Variants in RAF1 observed in about 807,000 individuals in gnomAD.
RAF1 encodes RAF proto-oncogene serine/threonine-protein kinase.
Under a neutral mutation model 81.1 loss-of-function variants are expected in RAF1, and 27 were observed. The observed-to-expected ratio is 0.33, with a 90% confidence interval of 0.25 to 0.46. The LOEUF (loss-of-function observed/expected upper bound fraction) is 0.46, where lower values mean the gene tolerates loss of function less well. RAF1 is among the 20% of genes least tolerant of loss of function. RAF1 has a pLI of 1.00. For missense variants in RAF1, 598 were observed against 826.0 expected (o/e 0.72, Z 3.38); for synonymous variants, 298 against 294.0 (o/e 1.01, Z -0.14).
At chr3:12,618,404 A>T (rs1260352874) in intron 2 of RAF1, 111 bp downstream of exon 2, 1 of 1,152,382 alleles carries the variant, frequency 8.7e-7, no homozygotes, top group African/African-American at 1.6e-5. Context: ...AAAAAAAATA[A>T]AGACCCTAAA....
Position 12,612,378 on chromosome 3 carries a change from G to A in RAF1, c.208-316C>T, listed in dbSNP as rs541501559. Among the ~76,000 whole-genome samples, 482 of 152,296 alleles carry A rather than the reference G, an allele frequency of 3.2e-3. 1 individual carries two copies. The highest frequency in any genetic ancestry group is 0.011 in the African/African-American group (451 of 41,560). ...TTTAAAGGTGAAGAGGCCAGGCACGGTGGCTCACGCCTGTAATCTCAGCAC... is the reference window on the plus strand; with the variant it reads ...TTTAAAGGTGAAGAGGCCAGGCACGATGGCTCACGCCTGTAATCTCAGCAC... On this transcript the variant is annotated intron_variant, in intron 2 of 17. Coordinates refer to ENST00000442415, the MANE Select transcript of RAF1 (RefSeq NM_001354689.3).
chr3:12,606,306 A>G lies in RAF1; in HGVS notation c.582-7T>C. On this transcript the variant is annotated splice_polypyrimidine_tract_variant and splice_region_variant and intron_variant, in intron 5 of 17. Transcript: ENST00000442415. ...AGTGGAATTTGGAAACAATCTAAAC[A>G]AAAGCAGGGAAAGACTGGTTTTTAG... 2 of 1,599,230 alleles carry G rather than the reference A, an allele frequency of 1.3e-6. No homozygotes were observed. Among genetic ancestry groups the G allele is most frequent in the Non-Finnish European group, 1.7e-6 (2 of 1,167,090 alleles).
At position 12,659,427 on chromosome 3, in the gene RAF1, CAAAAAA is replaced by C. The variant is rs71063859; in HGVS notation, c.-27+4380_-27+4385del. 1.0e-4 allele frequency among the ~76,000 whole-genome samples: 5 copies of C among 47,682 alleles called. No homozygotes were observed. In the South Asian group the frequency reaches 6.9e-3, roughly 66 times the overall value. 31.3% of individuals were successfully genotyped at this position (47,682 alleles called of 152,430 possible). A position where few individuals can be genotyped will look rare whatever the true frequency, so the allele number is the denominator to read the frequency against. On this transcript the variant is annotated intron_variant, in intron 1 of 17. Coordinates refer to ENST00000442415, the MANE Select transcript of RAF1 (RefSeq NM_001354689.3). ...TGGGCAACAGCACCAGATTTCATCT[CAAAAAA>C]AAAAAAAAAAAATTACACGCAAGAT...
intron 7 of RAF1, 103 bp downstream of exon 7, chr3:12,604,033 T>C (rs1476750799): frequency 3.0e-6 from 4 of 1,317,946 alleles, no homozygotes; most frequent in Non-Finnish European, 3.3e-6. Context: ...TGAGAAAGTG[T>C]TGCAACATTC....
At chr3:12,612,938 A>G (rs745710811) in intron 2 of RAF1, among the ~76,000 whole-genome samples, 9 of 152,210 alleles carry the variant, frequency 5.9e-5, no homozygotes, top group Non-Finnish European at 1.2e-4. Flanking sequence ...AAAATGACTG[A>G]TGATTCTAAC....
Position 12,636,443 on chromosome 3 carries a change from TA to T in RAF1, c.-26-17697del, listed in dbSNP as rs796569209. On this transcript the variant is annotated intron_variant, in intron 1 of 17. Transcript: ENST00000442415. Reference sequence around the variant, plus strand: ...GCAACATAACAAGACTGTATATCTTTAAAAAAAAAAAAACTGATTGATTACA... The same window carrying T: ...GCAACATAACAAGACTGTATATCTTTAAAAAAAAAAAACTGATTGATTACA... Among the ~76,000 whole-genome samples the T allele has an allele frequency of 1.4e-3, 196 of 141,792 alleles. 2 individuals are homozygous for T. The highest frequency in any genetic ancestry group is 1.0e-3 in the Non-Finnish European group (67 of 66,126). 93.0% of individuals were successfully genotyped at this position (141,792 alleles called of 152,430 possible). A position where few individuals can be genotyped will look rare whatever the true frequency, so the allele number is the denominator to read the frequency against.
intron 11 of RAF1, among the ~76,000 whole-genome samples, 182 bp downstream of exon 10, chr3:12,599,508 AG>A (rs1307405664): frequency 6.6e-6 from 1 of 152,164 alleles, no homozygotes; most frequent in African/African-American, 2.4e-5. Context: ...TTATCCTGGG[AG>A]CTTTATAAGA....
chr3:12,609,442 A>G (rs2059143380), intron 3 of RAF1, 107 bp from the exon 4 acceptor site: 1 of 737,058 alleles, frequency 1.4e-6, no homozygotes, highest in Non-Finnish European at 2.4e-6. Context: ...AACTTTATTT[A>G]ATCCATACAA....
At chr3:12,637,743 C>T (rs539686870) in intron 1 of RAF1, among the ~76,000 whole-genome samples, 2 of 151,882 alleles carry the variant, frequency 1.3e-5, no homozygotes, top group African/African-American at 4.8e-5. Context: ...ATCCCAGCTA[C>T]TCGGAAGGCT....
chr3:12,621,576 TAA>T (rs2059557632), intron 1 of RAF1, among the ~76,000 whole-genome samples: 1 of 152,204 alleles, frequency 6.6e-6, no homozygotes, highest in Non-Finnish European at 1.5e-5. Context: ...TAATATCTAT[TAA>T]AAGTTTGAAA....
chr3:12,618,573 T>A lies in RAF1; in HGVS notation c.149A>T (p.Asp50Val), dbSNP rs767460388. The change falls in exon 2 of 18, where the codon GAT becomes GTT. Residue 50 changes from aspartate (D) to valine (V), a missense_variant. By Grantham distance (152) the Asp-to-Val change is radical (BLOSUM62 -3). Around this residue, in one of 5 missense-constraint regions of RAF1, gnomAD observed 83 missense variants for 72.3 expected, o/e 1.15. Transcript: ENST00000442415. ...GATAGTGTTGCTTGTCTTAGAAGGATCTGTGAGTTTGCCATCATCTGATGC... is the reference window on the plus strand; with the variant it reads ...GATAGTGTTGCTTGTCTTAGAAGGAACTGTGAGTTTGCCATCATCTGATGC... The A allele has an allele frequency of 6.2e-7, 1 of 1,614,170 alleles. No homozygotes were observed. Among genetic ancestry groups the A allele is most frequent in the South Asian group, 1.1e-5 (1 of 91,084 alleles).
chr3:12,647,295 CA>C (rs35322564), intron 1 of RAF1, among the ~76,000 whole-genome samples: 115,650 of 140,710 alleles, frequency 0.82, 47,116 homozygotes, highest in East Asian at 0.94. Flanking sequence ...GACTCCATCT[CA>C]AAAAAAAAAA....
rs147729232 is a variant in RAF1, at chr3:12,630,242, C to A, written c.-26-11495G>T. 2.8e-3 allele frequency among the ~76,000 whole-genome samples: 431 copies of A among 152,290 alleles called. 3 individuals carry two copies. The highest frequency in any genetic ancestry group is 9.8e-3 in the African/African-American group (407 of 41,562). On this transcript the variant is annotated intron_variant, in intron 1 of 17. Transcript: ENST00000442415. ...ACTATCAGTTCAAAATCTACCTCCA[C>A]CTTTTATTAGCTGTATGGCCTGGCC...
intron 1 of RAF1, among the ~76,000 whole-genome samples, chr3:12,652,448 G>A (rs1367484927): frequency 2.6e-5 from 4 of 152,012 alleles, no homozygotes; most frequent in African/African-American, 9.7e-5. Flanking sequence ...TTGAACCCAG[G>A]AGGCAGGGGC....
Position 12,591,691 on chromosome 3 carries a change from G to A in RAF1, c.1253+17C>T, listed in dbSNP as rs753928357. On this transcript the variant is annotated intron_variant, in intron 12 of 17. Transcript: ENST00000442415. ...TCCAGCACTCCAGAGGGACTGGACC[G>A]CCAGCTTTCTACTCACCGCAGAACA... is the stretch of plus-strand genomic sequence containing the variant. 2.7e-5 allele frequency: 44 copies of A among 1,609,706 alleles called. No homozygotes were observed. The highest frequency in any genetic ancestry group is 1.7e-4 in the Middle Eastern group (1 of 6,058).
intron 2 of RAF1, among the ~76,000 whole-genome samples, chr3:12,615,908 A>T (rs1023721525): frequency 6.6e-6 from 1 of 152,010 alleles, no homozygotes; most frequent in African/African-American, 2.4e-5. Context: ...CAAATTAGCC[A>T]GGCGTGGTGG....
intron 1 of RAF1, among the ~76,000 whole-genome samples, chr3:12,655,000 ACC>A (rs35380724): frequency 1.6e-5 from 2 of 128,118 alleles, no homozygotes; most frequent in African/African-American, 2.8e-5. Context: ...ACATAGTGAG[ACC>A]CCCCCCCCGC....
chr3:12,609,661 G>A (rs1375722117), intron 3 of RAF1, among the ~76,000 whole-genome samples: 1 of 152,000 alleles, frequency 6.6e-6, no homozygotes, highest in Non-Finnish European at 1.5e-5. Context: ...AATGTTTTTT[G>A]GTAGAGAGAG....
At position 12,587,754 on chromosome 3, in the gene RAF1, A is replaced by G. The variant is rs972442004; in HGVS notation, c.1431-117T>C. 9 of 817,112 alleles carry G rather than the reference A, an allele frequency of 1.1e-5. No homozygotes were observed. In the African/African-American group the frequency reaches 1.5e-4, roughly 14 times the overall value. The allele number at this position is 817,112 out of a possible 1,614,324, so 50.6% of individuals were successfully genotyped here. The stretch of plus-strand genomic sequence containing the variant: ...GGCCTGGCTCCAAGGAGTGTTACAC[A>G]CAGGGATAGACCCTGTGCTGTTCAG... On this transcript the variant is annotated intron_variant, in intron 13 of 17. Transcript: ENST00000442415.
Sources: allele counts gnomAD v4.1 joint callset (sites outside exome capture counted in the v4.1 genomes callset), GRCh38; gene constraint gnomAD v4.1.1; regional missense constraint gnomAD v4.1.1; transcripts MANE v1.5; gene names NCBI Gene and HGNC (gene_info 2026-07-23, HGNC 2026-07-21).